The following TRAT1 variants were observed in gnomAD, a reference collection of about 807,000 sequenced individuals.
TRAT1 encodes T cell receptor associated transmembrane adaptor 1, also known as T-cell receptor-associated transmembrane adapter 1.
TRAT1 carries 20 observed loss-of-function variants against 20.0 expected under a neutral mutation model. The ratio of observed to expected loss-of-function variants is 1.00; its 90% CI spans 0.70 to 1.45. TRAT1 has a LOEUF of 1.45. Ranked by LOEUF, TRAT1 falls within the 40% of genes most tolerant of loss-of-function variation. The pLI, the probability that TRAT1 is intolerant of heterozygous loss-of-function variation, is 0.00. For synonymous variants in TRAT1, 77 were observed against 74.2 expected (o/e 1.04, Z -0.20); for missense variants, 237 against 224.1 (o/e 1.06, Z -0.37).
chr3:108,825,325 T>C (rs775421254), intron 1 of TRAT1, among the ~76,000 whole-genome samples: 1 of 152,130 alleles, frequency 6.6e-6, no homozygotes, highest in Non-Finnish European at 1.5e-5. Flanking sequence ...TGCATTTACA[T>C]AAAATCTGTA....
intron 1 of TRAT1, among the ~76,000 whole-genome samples, chr3:108,829,586 A>AACAC (rs144318236): frequency 0.021 from 2,992 of 142,538 alleles, 86 homozygotes; most frequent in African/African-American, 0.068. Flanking sequence ...TCCATCTCAA[A>AACAC]ACACACACAC....
chr3:108,824,946 T>C (rs1285108407), intron 1 of TRAT1, among the ~76,000 whole-genome samples: 2 of 152,188 alleles, frequency 1.3e-5, no homozygotes, highest in Non-Finnish European at 2.9e-5. Flanking sequence ...ATTTCCTCCA[T>C]CGCATTTTGT....
At chr3:108,838,189 T>A (rs983863432) in intron 2 of TRAT1, among the ~76,000 whole-genome samples, 1 of 152,188 alleles carries the variant, frequency 6.6e-6, no homozygotes, top group African/African-American at 2.4e-5. Context: ...TTTTTCCAGG[T>A]CTCTTCTTCC....
At chr3:108,838,361 G>GAT (rs1177581625) in intron 2 of TRAT1, among the ~76,000 whole-genome samples, 1,199 of 54,730 alleles carry the variant, frequency 0.022, 23 homozygotes, top group African/African-American at 0.093. Context: ...ATAGATGATA[G>GAT]ATAGATAGAT....
At chr3:108,838,331 T>C (rs1945856894) in intron 2 of TRAT1, among the ~76,000 whole-genome samples, 1 of 116,902 alleles carries the variant, frequency 8.6e-6, no homozygotes, top group African/African-American at 4.7e-5. Flanking sequence ...GATAGATAGA[T>C]AGATAGATGA....
chr3:108,831,066 C>T (rs1227099301), intron 2 of TRAT1, among the ~76,000 whole-genome samples: 1 of 152,086 alleles, frequency 6.6e-6, no homozygotes, highest in African/African-American at 2.4e-5. Flanking sequence ...AGTTGAAAAA[C>T]CTATGAAATT....
At chr3:108,827,158 G>A (rs1277469620) in intron 1 of TRAT1, among the ~76,000 whole-genome samples, 1 of 152,102 alleles carries the variant, frequency 6.6e-6, no homozygotes, top group African/African-American at 2.4e-5. Flanking sequence ...TTCAAATTGT[G>A]TGGGAGTTTT....
At chr3:108,843,179 C>T (rs1219553998) in intron 3 of TRAT1, among the ~76,000 whole-genome samples, 1 of 152,200 alleles carries the variant, frequency 6.6e-6, no homozygotes, top group Non-Finnish European at 1.5e-5. Context: ...GTATCATTCC[C>T]ACCAATATAT....
In TRAT1 at chr3:108,853,602, A is replaced by T. The variant is rs765578643; in HGVS notation, c.304-18A>T. ...AAGAACAGACTAACAATGAAAAATT[A>T]ACATCCCTTTCTTTTAGGCAACCAA... is the stretch of plus-strand genomic sequence containing the variant. On this transcript the variant is annotated intron_variant, in intron 5 of 5. Transcript: ENST00000295756. 6.2e-7 allele frequency: 1 copy of T among 1,606,892 alleles called. No homozygotes were observed. The highest frequency in any genetic ancestry group is 1.3e-5 in the African/African-American group (1 of 74,540).
At chr3:108,828,161 C>T (rs1450316325) in intron 1 of TRAT1, among the ~76,000 whole-genome samples, 2 of 152,016 alleles carry the variant, frequency 1.3e-5, no homozygotes, top group Admixed American at 1.3e-4. Flanking sequence ...TATTGTACTA[C>T]ATTTTATTTA....
chr3:108,853,025 C>G (rs1946010804), intron 5 of TRAT1, among the ~76,000 whole-genome samples: 1 of 152,106 alleles, frequency 6.6e-6, no homozygotes, highest in African/African-American at 2.4e-5. Context: ...CCAAAATGAG[C>G]TCAAAAGGGA....
intron 5 of TRAT1, among the ~76,000 whole-genome samples, chr3:108,850,375 AC>A (rs1466558754): frequency 6.7e-6 from 1 of 149,908 alleles, no homozygotes; most frequent in Admixed American, 6.7e-5. Flanking sequence ...CACAATCTCC[AC>A]TCACTGCAAC....
At chr3:108,853,429 C>T (rs1423876586) in intron 5 of TRAT1, among the ~76,000 whole-genome samples, 191 bp from the exon 6 acceptor site, 6 of 152,152 alleles carry the variant, frequency 3.9e-5, no homozygotes, top group Non-Finnish European at 5.9e-5. Context: ...ACTTTTTCAA[C>T]TCAAGAGTGT....
intron 2 of TRAT1, among the ~76,000 whole-genome samples, chr3:108,833,578 A>G (rs1945813952): frequency 6.6e-6 from 1 of 152,194 alleles, no homozygotes; most frequent in African/African-American, 2.4e-5. Flanking sequence ...GAAAACAGTG[A>G]ACAATAAATT....
At chr3:108,835,652 G>T (rs984124425) in intron 2 of TRAT1, among the ~76,000 whole-genome samples, 9 of 152,156 alleles carry the variant, frequency 5.9e-5, no homozygotes, top group African/African-American at 2.2e-4. Context: ...GGAATGGGGT[G>T]CCCTTGAACT....
chr3:108,842,487 A>G (rs559099756), intron 3 of TRAT1, among the ~76,000 whole-genome samples: 1 of 152,256 alleles, frequency 6.6e-6, no homozygotes, highest in East Asian at 1.9e-4. Context: ...GGCCTTCACT[A>G]GACCCAGTAC....
intron 5 of TRAT1, among the ~76,000 whole-genome samples, chr3:108,850,827 G>C (rs1203029127): frequency 6.6e-6 from 1 of 152,202 alleles, no homozygotes; most frequent in African/African-American, 2.4e-5. Context: ...CAGCACTTTA[G>C]TTGTAAAAGT....
At chr3:108,836,068 T>C (rs376135321) in intron 2 of TRAT1, among the ~76,000 whole-genome samples, 2,481 of 151,922 alleles carry the variant, frequency 0.016, 29 homozygotes, top group Middle Eastern at 0.044. Context: ...TACAGGCGCA[T>C]GCCACCATGC....
chr3:108,828,247 G>GTGGAAAGAAAAAAAATGCTAAT (rs1207395329), intron 1 of TRAT1, among the ~76,000 whole-genome samples: 17 of 152,108 alleles, frequency 1.1e-4, no homozygotes, highest in Non-Finnish European at 1.9e-4. Context: ...AAAATGCTAA[G>GTGGAAAGAAAAAAAATGCTAAT]TAGAAAGGAG....
Sources: allele counts gnomAD v4.1 joint callset (sites outside exome capture counted in the v4.1 genomes callset), GRCh38; gene constraint gnomAD v4.1.1; transcripts MANE v1.5; gene names NCBI Gene and HGNC (gene_info 2026-07-23, HGNC 2026-07-21).